The following RARB variants were observed in gnomAD, a reference collection of about 807,000 sequenced individuals.
RARB encodes the protein HBV-activated protein.
In RARB, 17 loss-of-function variants were observed where a neutral mutation model predicts 51.9. That is an observed-to-expected ratio of 0.33 (90% CI 0.22 to 0.49). The LOEUF is 0.49. Among genes scored for constraint, RARB ranks in the 20% least tolerant of loss-of-function variants. RARB has a pLI of 0.99. For missense variants in RARB, 369 were observed against 550.8 expected (o/e 0.67, Z 3.30); for synonymous variants, 215 against 195.4 (o/e 1.10, Z -0.84).
intron 5 of RARB, among the ~76,000 whole-genome samples, chr3:25,249,951 C>T (rs1257381246): frequency 6.6e-6 from 1 of 152,128 alleles, no homozygotes; most frequent in Non-Finnish European, 1.5e-5. Flanking sequence ...AGGTGGCTTT[C>T]TCTGGTGCTG....
chr3:25,522,603 G>A (rs1242867840), intron 3 of RARB, among the ~76,000 whole-genome samples: 1 of 152,170 alleles, frequency 6.6e-6, no homozygotes, highest in African/African-American at 2.4e-5. Flanking sequence ...TTGGAGGTGG[G>A]AGGTAAAGAG....
At chr3:25,310,740 C>G (rs139351759) in intron 5 of RARB, among the ~76,000 whole-genome samples, 3 of 152,174 alleles carry the variant, frequency 2.0e-5, no homozygotes, top group African/African-American at 4.8e-5. Context: ...TGATTCCACT[C>G]TATACTGTCT....
At chr3:25,041,991 C>T (rs1698124184) in intron 2 of RARB, among the ~76,000 whole-genome samples, 1 of 152,120 alleles carries the variant, frequency 6.6e-6, no homozygotes, top group African/African-American at 2.4e-5. Flanking sequence ...AGGGTGCAAA[C>T]AATCAATGAG....
intron 3 of RARB, among the ~76,000 whole-genome samples, chr3:25,112,901 A>G (rs560976661): frequency 1.3e-5 from 2 of 152,208 alleles, no homozygotes; most frequent in East Asian, 3.9e-4. Flanking sequence ...GATGTGCAAG[A>G]TCTTCTGTGT....
chr3:24,901,992 A>G (rs1046970697), intron 2 of RARB, among the ~76,000 whole-genome samples: 3 of 151,238 alleles, frequency 2.0e-5, no homozygotes, highest in East Asian at 1.9e-4. Context: ...AGCAATATAT[A>G]TAAAATATAA....
chr3:25,105,441 G>A (rs73044593), intron 3 of RARB, among the ~76,000 whole-genome samples: 1,401 of 59,060 alleles, frequency 0.024, 45 homozygotes, highest in Non-Finnish European at 0.033. Context: ...AAAAAAAAAA[G>A]AAGATTTGTG....
At chr3:24,922,508 C>G (rs757697686) in intron 2 of RARB, among the ~76,000 whole-genome samples, 5 of 152,136 alleles carry the variant, frequency 3.3e-5, no homozygotes, top group Admixed American at 6.5e-5. Flanking sequence ...CCCCATTTTA[C>G]AGACGAGGAA....
chr3:25,470,178 G>A (rs1695617076), intron 2 of RARB, among the ~76,000 whole-genome samples: 1 of 152,168 alleles, frequency 6.6e-6, no homozygotes, highest in Non-Finnish European at 1.5e-5. Flanking sequence ...CTAAGTAAGT[G>A]CCTAATTAGA....
chr3:25,084,987 C>T (rs1374566892), intron 3 of RARB, among the ~76,000 whole-genome samples: 3 of 152,018 alleles, frequency 2.0e-5, no homozygotes, highest in Non-Finnish European at 4.4e-5. Context: ...CATTTATGTG[C>T]CATTCTTTAA....
intron 2 of RARB, among the ~76,000 whole-genome samples, chr3:24,965,436 G>C (rs1696234527): frequency 6.6e-6 from 1 of 152,150 alleles, no homozygotes; most frequent in Non-Finnish European, 1.5e-5. Flanking sequence ...CCAGCTTTAT[G>C]AGTAAAACAG....
chr3:25,357,459 G>A (rs1705778291), intron 5 of RARB, among the ~76,000 whole-genome samples: 1 of 152,130 alleles, frequency 6.6e-6, no homozygotes, highest in African/African-American at 2.4e-5. Flanking sequence ...CATTCTGTAG[G>A]TTGCCTGTTC....
At chr3:24,918,895 ATAAAAT>A (rs1409575681) in intron 2 of RARB, among the ~76,000 whole-genome samples, 3 of 151,714 alleles carry the variant, frequency 2.0e-5, no homozygotes, top group South Asian at 2.1e-4. Context: ...CAAAAAATAA[ATAAAAT>A]TAAATTAAAT....
intron 5 of RARB, among the ~76,000 whole-genome samples, chr3:25,367,058 C>A (rs1310884032): frequency 6.6e-6 from 1 of 152,172 alleles, no homozygotes; most frequent in African/African-American, 2.4e-5. Context: ...GCCAAGAGTT[C>A]ATATTCCATC....
intron 5 of RARB, among the ~76,000 whole-genome samples, chr3:25,298,158 A>G (rs1703960665): frequency 6.6e-6 from 1 of 150,992 alleles, no homozygotes; most frequent in South Asian, 2.1e-4. Flanking sequence ...ACACTCACGT[A>G]ATTTTATTAA....
chr3:25,067,203 A>C (rs1410936731), intron 3 of RARB, among the ~76,000 whole-genome samples: 4 of 152,200 alleles, frequency 2.6e-5, no homozygotes, highest in African/African-American at 9.6e-5. Flanking sequence ...TGTCATATTA[A>C]AGGCAATTGA....
At chr3:24,830,213 G>A (rs1271177951) in intron 1 of RARB, among the ~76,000 whole-genome samples, 1 of 151,882 alleles carries the variant, frequency 6.6e-6, no homozygotes, top group African/African-American at 2.4e-5. Context: ...GACGATGGGC[G>A]GAAAAACAGA....
intron 3 of RARB, among the ~76,000 whole-genome samples, chr3:25,086,501 T>G (rs558621370): frequency 2.0e-5 from 3 of 152,254 alleles, no homozygotes; most frequent in South Asian, 4.1e-4. Flanking sequence ...TGTAAAATAT[T>G]TAAAGAGATT....
At chr3:24,842,466 T>C (rs531419164) in intron 1 of RARB, among the ~76,000 whole-genome samples, 2 of 152,314 alleles carry the variant, frequency 1.3e-5, no homozygotes, top group Admixed American at 6.5e-5. Context: ...GAGGGAGTGA[T>C]CTTATTAGCA....
rs115898469 is a variant in RARB, at chr3:24,937,878, C to T, written c.-380+79126C>T. 1.3e-3 allele frequency among the ~76,000 whole-genome samples: 201 copies of T among 151,900 alleles called. 1 individual carries two copies. The highest frequency in any genetic ancestry group is 4.2e-3 in the African/African-American group (174 of 41,394). On this transcript the variant is annotated intron_variant, in intron 2 of 11. Transcript: ENST00000383772. The stretch of plus-strand genomic sequence containing the variant: ...GATTTTTTGTTTCTTTTGAGAAATC[C>T]GGAAAAAACAAAAAATCTAGAAACA...
Sources: gnomAD v4.1 joint callset for allele counts (sites outside exome capture counted in the v4.1 genomes callset) on GRCh38, gnomAD v4.1.1 for gene constraint, MANE v1.5 for transcripts, NCBI Gene and HGNC (gene_info 2026-07-23, HGNC 2026-07-21) for gene names.